CASZ1: variants seen among roughly 807,000 people sequenced by gnomAD.
The protein encoded by CASZ1 is zinc finger protein castor homolog 1.
CASZ1 carries 28 observed loss-of-function variants against 135.2 expected under a neutral mutation model. That is an observed-to-expected ratio of 0.21 (90% CI 0.15 to 0.28). The LOEUF is 0.28. Among genes scored for constraint, CASZ1 ranks in the 10% least tolerant of loss-of-function variants. CASZ1 has a pLI of 1.00. For synonymous variants in CASZ1, 1,068 were observed against 1,073.4 expected, an observed-to-expected ratio of 0.99 and a Z score of 0.10; for missense variants, 2,161 against 2,453.3, an observed-to-expected ratio of 0.88 and a Z score of 2.52.
rs1642685679 is a variant in CASZ1, at chr1:10,653,764, T to C, written c.2293A>G (p.Thr765Ala). The change falls in exon 11 of 21, where the codon ACC becomes GCC. Residue 765 changes from threonine to alanine, a missense_variant. Thr to Ala is a moderately conservative substitution (Grantham distance 58). Around this residue, in one of 7 missense-constraint regions of CASZ1, gnomAD observed 406 missense variants for 387.6 expected, o/e 1.05. Transcript: ENST00000377022. ...TAATEAGPSA[T>A]KPPNSKISGL... ...GAGATCTTGCTGTTGGGAGGTTTGGTGGCACTGGGCCCAGCCTCGGTGGCG... is the reference window on the plus strand; with the variant it reads ...GAGATCTTGCTGTTGGGAGGTTTGGCGGCACTGGGCCCAGCCTCGGTGGCG... The C allele has an allele frequency of 6.2e-7, 1 of 1,610,632 alleles. No homozygotes were observed. Among genetic ancestry groups the C allele is most frequent in the Non-Finnish European group, 8.5e-7 (1 of 1,178,290 alleles).
rs1411541620 is a variant in CASZ1 at position 10,755,456 on chromosome 1, A to G, written c.-77+5245T>C. On this transcript the variant is annotated intron_variant, in intron 2 of 20. Coordinates refer to ENST00000377022, the MANE Select transcript of CASZ1 (RefSeq NM_001079843.3). The surrounding 1 kb of genome is among the most constrained non-coding windows in gnomAD (Gnocchi z 4.3). Reference sequence around the variant, plus strand: ...GGCAGAGGCGCTTCTCTCTTCGTCCACCACACCGCGTCAACCCTCCCAAAT... The same window carrying G: ...GGCAGAGGCGCTTCTCTCTTCGTCCGCCACACCGCGTCAACCCTCCCAAAT... Among the ~76,000 whole-genome samples the G allele has an allele frequency of 6.6e-6, 1 of 152,028 alleles. No homozygotes were observed. Among genetic ancestry groups the G allele is most frequent in the East Asian group, 1.9e-4 (1 of 5,168 alleles).
At chr1:10,670,702 G>A (rs1372531820) in intron 4 of CASZ1, among the ~76,000 whole-genome samples, 1 of 152,240 alleles carries the variant, frequency 6.6e-6, no homozygotes, top group Non-Finnish European at 1.5e-5. Flanking sequence ...GGCATCAGAG[G>A]TGCCACAGGA....
intron 1 of CASZ1, among the ~76,000 whole-genome samples, chr1:10,781,823 G>A (rs1253608497): frequency 6.6e-6 from 1 of 152,172 alleles, no homozygotes; most frequent in African/African-American, 2.4e-5. Context: ...AGGTGCTATC[G>A]TGAACCCTCT....
intron 1 of CASZ1, among the ~76,000 whole-genome samples, chr1:10,795,510 C>A (rs1229155224): frequency 6.6e-6 from 1 of 151,946 alleles, no homozygotes; most frequent in Non-Finnish European, 1.5e-5. Context: ...GCGCACCACT[C>A]TACCAGCCCG....
At position 10,776,409 on chromosome 1, in the gene CASZ1, C is replaced by T. The variant is rs991764898; in HGVS notation, c.-233-15552G>A. The stretch of plus-strand genomic sequence containing the variant: ...GATGGCGCTCACCCCGGGCATGGAG[C>T]CTGCCCCTTTCTCCACAGCTGCCTC... On this transcript the variant is annotated intron_variant, in intron 1 of 20. Transcript: ENST00000377022. This position sits in a 1 kb window ranked among gnomAD's most constrained non-coding sequence, Gnocchi z 4.1. 6.6e-6 allele frequency among the ~76,000 whole-genome samples: 1 copy of T among 152,232 alleles called. No individual in the cohort carries two copies. Among genetic ancestry groups the T allele is most frequent in the African/African-American group, 2.4e-5 (1 of 41,460 alleles).
intron 1 of CASZ1, among the ~76,000 whole-genome samples, chr1:10,779,301 T>TTTTC (rs70997265): frequency 6.7e-6 from 1 of 148,562 alleles, no homozygotes. Context: ...TTTTTTTTTT[T>TTTTC]AGCACACTGG....
intron 5 of CASZ1, among the ~76,000 whole-genome samples, chr1:10,662,268 GT>G (rs1643064690): frequency 8.1e-6 from 1 of 123,970 alleles, no homozygotes; most frequent in Non-Finnish European, 1.7e-5. Context: ...CCCACACACA[GT>G]CACATGCTCA....
chr1:10,648,934 G>C, intron 15 of CASZ1, 136 bp downstream of exon 15: 1 of 1,239,580 alleles, frequency 8.1e-7, no homozygotes, highest in South Asian at 1.5e-5. Context: ...ACCCTTGCTG[G>C]GGCAGCATCT....
intron 2 of CASZ1, among the ~76,000 whole-genome samples, chr1:10,753,788 A>ACCT (rs1640193468): frequency 6.6e-6 from 1 of 152,162 alleles, no homozygotes; most frequent in Non-Finnish European, 1.5e-5. Flanking sequence ...CCGGGCACAT[A>ACCT]TGCGACCTGT....
Position 10,717,005 on chromosome 1 carries a change from G to A in CASZ1, c.-76-11461C>T, listed in dbSNP as rs530475916. Reference sequence around the variant, plus strand: ...CCTGCCTTCACCAGCACAGGCAGGCGGGGCACAGACCTAGCAGAGGGCTGG... The same window carrying A: ...CCTGCCTTCACCAGCACAGGCAGGCAGGGCACAGACCTAGCAGAGGGCTGG... On this transcript the variant is annotated intron_variant, in intron 2 of 20. Coordinates refer to ENST00000377022, the MANE Select transcript of CASZ1 (RefSeq NM_001079843.3). This position sits in a 1 kb window ranked among gnomAD's most constrained non-coding sequence, Gnocchi z 4.6. Among the ~76,000 whole-genome samples the A allele has an allele frequency of 5.3e-5, 8 of 152,200 alleles. No homozygotes were observed. The highest frequency in any genetic ancestry group is 3.9e-4 in the East Asian group (2 of 5,176).
At chr1:10,749,388 C>A (rs1214433604) in intron 2 of CASZ1, among the ~76,000 whole-genome samples, 3 of 152,114 alleles carry the variant, frequency 2.0e-5, no homozygotes, top group Admixed American at 6.5e-5. Flanking sequence ...GCTAGGACTA[C>A]AGGCGTGTGC....
At chr1:10,785,308 C>T (rs1640841054) in intron 1 of CASZ1, among the ~76,000 whole-genome samples, 1 of 150,510 alleles carries the variant, frequency 6.6e-6, no homozygotes, top group Admixed American at 6.7e-5. Context: ...CCCTCCCTCC[C>T]TTTCTTCATT....
chr1:10,639,700 AGG>A lies in CASZ1; in HGVS notation c.4520_4521del (p.Pro1507LeufsTer319). The part of the protein sequence containing the change: ...ASLSCHFADC[P>X]FSGTSTHFHC... ...TGGAAGTGCGTGCTGGTGCCCGAGAAGGGGCAGTCGGCGAAGTGGCAGCTGAG... is the reference window on the plus strand; with the variant it reads ...TGGAAGTGCGTGCTGGTGCCCGAGAAGGCAGTCGGCGAAGTGGCAGCTGAG... On this transcript the variant is annotated frameshift_variant, in exon 21 of 21. Transcript: ENST00000377022. LOFTEE classifies it high-confidence loss of function. This position sits in a 1 kb window ranked among gnomAD's most constrained non-coding sequence, Gnocchi z 4.0. 6.3e-7 allele frequency: 1 copy of A among 1,596,602 alleles called. No homozygotes were observed.
In CASZ1 at chr1:10,724,392, A is replaced by C. The variant is rs1639558374; in HGVS notation, c.-76-18848T>G. On this transcript the variant is annotated intron_variant, in intron 2 of 20. Transcript: ENST00000377022. This position sits in a 1 kb window ranked among gnomAD's most constrained non-coding sequence, Gnocchi z 4.1. The stretch of plus-strand genomic sequence containing the variant: ...TGGCACCGAGTGTTTGCTTATTTAC[A>C]AGGCTGTTTTAAAGGGTAGAAAGCA... Among the ~76,000 whole-genome samples the C allele has an allele frequency of 6.6e-6, 1 of 152,234 alleles. No homozygotes were observed. Among genetic ancestry groups the C allele is most frequent in the Non-Finnish European group, 1.5e-5 (1 of 68,048 alleles).
At chr1:10,703,223 G>T (rs553768628) in intron 3 of CASZ1, among the ~76,000 whole-genome samples, 1 of 152,262 alleles carries the variant, frequency 6.6e-6, no homozygotes, top group East Asian at 1.9e-4. Flanking sequence ...CTCCCTTCCA[G>T]CCTTTCCTCT....
chr1:10,654,090 T>A lies in CASZ1; in HGVS notation c.1967A>T (p.Tyr656Phe). Residue 656 changes from tyrosine to phenylalanine, a missense_variant, in exon 11 of 21, where the codon TAC (tyrosine) becomes TTC (phenylalanine). Physicochemically the swap from Tyr to Phe is conservative, Grantham distance 22 (BLOSUM62 3). Transcript: ENST00000377022. ...KKFYKYEECKYEGCVYSKATN... is the reference protein window; with the variant it reads ...KKFYKYEECKFEGCVYSKATN... Reference sequence around the variant, plus strand: ...AGCCTTGCTGTACACGCAGCCCTCGTACTTGCACTCCTCGTACTTGTAGAA... The same window carrying A: ...AGCCTTGCTGTACACGCAGCCCTCGAACTTGCACTCCTCGTACTTGTAGAA... The A allele has an allele frequency of 6.2e-7, 1 of 1,614,218 alleles. No homozygotes were observed. The highest frequency in any genetic ancestry group is 8.5e-7 in the Non-Finnish European group (1 of 1,180,040).
In CASZ1 at chr1:10,642,886, G is replaced by C; in HGVS notation, c.4135C>G (p.Pro1379Ala). 1 of 1,612,968 alleles carries C rather than the reference G, an allele frequency of 6.2e-7. No individual in the cohort carries two copies. Among genetic ancestry groups the C allele is most frequent in the Non-Finnish European group, 8.5e-7 (1 of 1,179,922 alleles). ...GCCGCGGTGCTCTCGTTACCCACGG[G>C]GGTGCTGGAGCAGCTCCGGTCCATG... Reference protein sequence around the residue: ...STMDRSCSSTPVGNESTAAGN... With the variant: ...STMDRSCSSTAVGNESTAAGN... Residue 1379 changes from proline (P) to alanine (A), a missense_variant, in exon 20 of 21, where the codon CCC becomes GCC. By Grantham distance (27) the Pro-to-Ala change is conservative (BLOSUM62 -1). Around this residue, in one of 7 missense-constraint regions of CASZ1, gnomAD observed 143 missense variants for 128.3 expected, o/e 1.11. Transcript: ENST00000377022.
Position 10,647,595 on chromosome 1 carries a change from G to T in CASZ1, c.3497+206C>A, listed in dbSNP as rs888697553. 2.1e-6 allele frequency: 3 copies of T among 1,430,020 alleles called. No homozygotes were observed. The African/African-American group carries it at 4.3e-5, about 21-fold the overall frequency. 88.6% of individuals were successfully genotyped at this position (1,430,020 alleles called of 1,614,324 possible). ...GCCACTGCCGCCACCATCGGCCCAC[G>T]CGGGCTGGCCTGCTCTGGGACAGGC... On this transcript the variant is annotated intron_variant, in intron 16 of 20. Transcript: ENST00000377022. The surrounding 1 kb of genome is among the most constrained non-coding windows in gnomAD (Gnocchi z 4.9).
chr1:10,641,872 G>A (rs577990097), intron 20 of CASZ1, among the ~76,000 whole-genome samples: 2 of 152,276 alleles, frequency 1.3e-5, no homozygotes, highest in East Asian at 3.9e-4. Flanking sequence ...TGGAGACCAC[G>A]CTCTCTAGTC....
Sources: allele counts gnomAD v4.1 joint callset (sites outside exome capture counted in the v4.1 genomes callset), GRCh38; gene constraint gnomAD v4.1.1; regional missense constraint gnomAD v4.1.1; non-coding constraint Gnocchi (gnomAD v3.1); transcripts MANE v1.5; gene names NCBI Gene and HGNC (gene_info 2026-07-23, HGNC 2026-07-21).